Variants in CFAP20DC observed in about 807,000 individuals in gnomAD.
CFAP20DC encodes CFAP20 domain containing.
A neutral mutation model predicts 101.7 loss-of-function variants in CFAP20DC; 84 were observed. That is an observed-to-expected ratio of 0.83 (90% CI 0.69 to 0.99). The LOEUF is 0.99. Ranked by LOEUF, CFAP20DC falls within the 50% of genes least tolerant of loss-of-function variation. The pLI, the probability that CFAP20DC is intolerant of heterozygous loss-of-function variation, is 0.00. For missense variants in CFAP20DC, 1,007 were observed against 970.3 expected (o/e 1.04, Z -0.50); for synonymous variants, 359 against 351.2 (o/e 1.02, Z -0.25).
At chr3:58,937,925 T>A (rs2087938705) in intron 4 of CFAP20DC, among the ~76,000 whole-genome samples, 163 bp from the exon 5 acceptor site, 2 of 152,194 alleles carry the variant, frequency 1.3e-5, no homozygotes, top group South Asian at 4.1e-4. Context: ...AGTAATAAAA[T>A]TTCTTTCTTA....
chr3:58,945,411 G>T (rs1159682807), intron 4 of CFAP20DC, among the ~76,000 whole-genome samples: 1 of 152,136 alleles, frequency 6.6e-6, no homozygotes. Flanking sequence ...GTGTATGTGT[G>T]TATGAGATTA....
At chr3:58,944,159 T>C (rs997249599) in intron 4 of CFAP20DC, among the ~76,000 whole-genome samples, 11 of 151,146 alleles carry the variant, frequency 7.3e-5, no homozygotes, top group Non-Finnish European at 1.6e-4. Context: ...TTCAGGATAT[T>C]ATCTAGGAGA....
At chr3:58,730,420 A>T (rs2067622892) in intron 3 of CFAP20DC, among the ~76,000 whole-genome samples, 1 of 152,230 alleles carries the variant, frequency 6.6e-6, no homozygotes, top group African/African-American at 2.4e-5. Flanking sequence ...AAGCAGGCAG[A>T]TGAGTTAGTA....
intron 4 of CFAP20DC, among the ~76,000 whole-genome samples, chr3:59,023,328 T>G (rs2093837561): frequency 6.6e-6 from 1 of 152,120 alleles, no homozygotes; most frequent in Non-Finnish European, 1.5e-5. Context: ...ATGTAGTCCC[T>G]GCCCTCAAAG....
At chr3:58,947,564 T>C (rs960172646) in intron 4 of CFAP20DC, among the ~76,000 whole-genome samples, 2 of 152,112 alleles carry the variant, frequency 1.3e-5, no homozygotes, top group Non-Finnish European at 2.9e-5. Flanking sequence ...TTCTGCTTCA[T>C]GTGTACTTCA....
At chr3:58,734,572 GA>G (rs1235605460) in intron 3 of CFAP20DC, 4 of 455,416 alleles carry the variant, frequency 8.8e-6, no homozygotes, top group Non-Finnish European at 1.3e-5. Flanking sequence ...TAAGGTTTTA[GA>G]AAAAAAACAA....
rs547887910 is a variant in CFAP20DC, at chr3:59,031,043, C to T, written c.278+8514G>A. On this transcript the variant is annotated intron_variant, in intron 4 of 16. Coordinates refer to ENST00000482387, the MANE Select transcript of CFAP20DC (RefSeq NM_001394063.1). ...TTCACCATGTTAGCCAGGATAGTCTCGATCTCCTGACCTCGTGATCCACAC... is the reference window on the plus strand; with the variant it reads ...TTCACCATGTTAGCCAGGATAGTCTTGATCTCCTGACCTCGTGATCCACAC... Among the ~76,000 whole-genome samples, 69 of 151,600 alleles carry T rather than the reference C, an allele frequency of 4.6e-4. 1 individual carries two copies. The highest frequency in any genetic ancestry group is 1.6e-3 in the African/African-American group (67 of 41,266).
intron 15 of CFAP20DC, among the ~76,000 whole-genome samples, chr3:58,759,236 G>A (rs2107332950): frequency 6.6e-6 from 1 of 152,314 alleles, no homozygotes; most frequent in South Asian, 2.1e-4. Flanking sequence ...CATTCTAACT[G>A]GTGTGAGATG....
intron 4 of CFAP20DC, among the ~76,000 whole-genome samples, chr3:59,010,145 A>G (rs1444638681): frequency 3.3e-5 from 5 of 152,048 alleles, no homozygotes; most frequent in Non-Finnish European, 4.4e-5. Flanking sequence ...AACAGTAACA[A>G]TGAAAAAAAA....
chr3:58,816,782 C>A (rs2075201946), intron 14 of CFAP20DC, among the ~76,000 whole-genome samples: 1 of 152,234 alleles, frequency 6.6e-6, no homozygotes, highest in East Asian at 1.9e-4. Flanking sequence ...CTGGGTGGAG[C>A]CCACCACAGC....
intron 13 of CFAP20DC, among the ~76,000 whole-genome samples, chr3:58,845,882 C>G (rs890391174): frequency 6.7e-5 from 10 of 150,200 alleles, no homozygotes; most frequent in African/African-American, 2.5e-4. Flanking sequence ...TAAATGTAAT[C>G]CAGCATATAA....
chr3:58,895,537 G>A (rs187988977), intron 6 of CFAP20DC, among the ~76,000 whole-genome samples: 4 of 152,208 alleles, frequency 2.6e-5, no homozygotes, highest in East Asian at 1.9e-4. Flanking sequence ...TGTCCATATC[G>A]CTATCAGCAT....
intron 6 of CFAP20DC, among the ~76,000 whole-genome samples, chr3:58,891,169 T>A (rs1304517166): frequency 6.6e-6 from 1 of 151,904 alleles, no homozygotes; most frequent in African/African-American, 2.4e-5. Context: ...CCGTCTGCAA[T>A]CCCGGCACCT....
chr3:58,733,535 G>A (rs2067688618), intron 3 of CFAP20DC, among the ~76,000 whole-genome samples: 1 of 152,106 alleles, frequency 6.6e-6, no homozygotes, highest in South Asian at 2.1e-4. Context: ...TAACATACAT[G>A]AGCTGCTTGG....
chr3:59,043,490 C>G, intron 3 of CFAP20DC, among the ~76,000 whole-genome samples: 1 of 151,742 alleles, frequency 6.6e-6, no homozygotes, highest in Non-Finnish European at 1.5e-5. Flanking sequence ...GAAGTCATGA[C>G]AAGATAAAAA....
At chr3:58,935,077 T>C (rs1250752063) in intron 5 of CFAP20DC, among the ~76,000 whole-genome samples, 1 of 152,202 alleles carries the variant, frequency 6.6e-6, no homozygotes, top group Non-Finnish European at 1.5e-5. Flanking sequence ...CAGCAAAGTC[T>C]CAGGATACAA....
chr3:58,775,178 G>A (rs772648087), intron 15 of CFAP20DC, among the ~76,000 whole-genome samples: 2 of 152,148 alleles, frequency 1.3e-5, no homozygotes, highest in Non-Finnish European at 2.9e-5. Flanking sequence ...GACATACGTT[G>A]GTTCTGTCCA....
In CFAP20DC at chr3:58,729,584, T is replaced by C. The variant is rs2067605734; in HGVS notation, c.198-11956A>G. Among the ~76,000 whole-genome samples the C allele has an allele frequency of 6.6e-6, 1 of 152,254 alleles. No homozygotes were observed. The highest frequency in any genetic ancestry group is 2.4e-5 in the African/African-American group (1 of 41,478). On this transcript the variant is annotated intron_variant, in intron 3 of 3. Coordinates refer to the CFAP20DC transcript ENST00000486145. This position sits in a 1 kb window ranked among gnomAD's most constrained non-coding sequence, Gnocchi z 4.4. ...GTTTTCTATGAATGCAATAATGTCA[T>C]CTGCAAATAATGACAGTGTTGTGTC...
At chr3:58,789,622 A>C (rs2072681171) in intron 15 of CFAP20DC, among the ~76,000 whole-genome samples, 1 of 152,190 alleles carries the variant, frequency 6.6e-6, no homozygotes, top group South Asian at 2.1e-4. Flanking sequence ...AGTTGACTAG[A>C]TTTATTTCCC....
Sources: gnomAD v4.1 joint callset for allele counts (sites outside exome capture counted in the v4.1 genomes callset) on GRCh38, gnomAD v4.1.1 for gene constraint, Gnocchi (gnomAD v3.1) non-coding constraint, MANE v1.5 for transcripts, NCBI Gene and HGNC (gene_info 2026-07-23, HGNC 2026-07-21) for gene names.